MED12L: variants seen among roughly 807,000 people sequenced by gnomAD.
MED12L encodes the protein mediator complex subunit 12L, also known as mediator of RNA polymerase II transcription subunit 12-like protein.
In MED12L, 60 loss-of-function variants were observed where a neutral mutation model predicts 281.3. The ratio of observed to expected loss-of-function variants is 0.21; its 90% CI spans 0.17 to 0.26. The LOEUF is 0.26. Among genes scored for constraint, MED12L ranks in the 10% least tolerant of loss-of-function variants. The pLI is 1.00. For synonymous variants in MED12L, 974 were observed against 987.2 expected, an observed-to-expected ratio of 0.99 and a Z score of 0.25; for missense variants, 2,146 against 2,680.9, an observed-to-expected ratio of 0.80 and a Z score of 4.41.
In MED12L at chr3:151,250,252, CTT is replaced by C. The variant is rs535734743; in HGVS notation, c.2250+56588_2250+56589del. Reference sequence around the variant, plus strand: ...TGACATTTTGAAAGATTTTTTTTGTCTTTGAGGTAGCTTTTTTGGGATTGTGG... The same window carrying C: ...TGACATTTTGAAAGATTTTTTTTGTCTGAGGTAGCTTTTTTGGGATTGTGG... On this transcript the variant is annotated intron_variant, in intron 16 of 44. Transcript: ENST00000687756. 3.1e-3 allele frequency among the ~76,000 whole-genome samples: 469 copies of C among 152,196 alleles called. 4 individuals are homozygous for C. Among genetic ancestry groups the C allele is most frequent in the African/African-American group, 0.011 (455 of 41,514 alleles).
At chr3:151,416,217 A>G (rs1717531608) in intron 42 of MED12L, 95 bp from the exon 43 acceptor site, 1 of 1,603,246 alleles carries the variant, frequency 6.2e-7, no homozygotes, top group Non-Finnish European at 8.5e-7. Flanking sequence ...TTACTACAAC[A>G]TAAAAATTAG....
Position 151,411,280 on chromosome 3 carries a change from C to T in MED12L, c.5913C>T (p.Thr1971=). ...TCTTCCCTTGTGCCTACCTGCAGACCATGCCACAGGGCTATACAATGTATG... is the reference window on the plus strand; with the variant it reads ...TCTTCCCTTGTGCCTACCTGCAGACTATGCCACAGGGCTATACAATGTATG... ...PQYPGLQQAQ[T]MPQGYTMYGT... is the part of the protein sequence containing the mutation. Residue 1971 remains threonine (T), a splice_region_variant and synonymous_variant, in exon 41 of 45, where the codon ACC becomes ACT. Transcript: ENST00000687756. 6.2e-7 allele frequency: 1 copy of T among 1,613,678 alleles called. No individual in the cohort carries two copies.
chr3:151,422,953 G>GTTTTT (rs61502768), intron 43 of MED12L, among the ~76,000 whole-genome samples: 3 of 141,052 alleles, frequency 2.1e-5, no homozygotes, highest in Admixed American at 1.4e-4. Context: ...ACAGAACTAG[G>GTTTTT]TTTTTTTTTT....
intron 16 of MED12L, among the ~76,000 whole-genome samples, chr3:151,281,571 T>TA (rs1388954230): frequency 6.6e-6 from 1 of 152,194 alleles, no homozygotes; most frequent in Non-Finnish European, 1.5e-5. Context: ...AAGAATCTTT[T>TA]AAAAAACAAA....
At chr3:151,255,709 T>TG (rs773105350) in intron 16 of MED12L, among the ~76,000 whole-genome samples, 1 of 152,168 alleles carries the variant, frequency 6.6e-6, no homozygotes, top group Non-Finnish European at 1.5e-5. Flanking sequence ...ACAGCGAACT[T>TG]GTTTACTCCA....
intron 16 of MED12L, among the ~76,000 whole-genome samples, chr3:151,237,702 G>A (rs1733199332): frequency 6.6e-6 from 1 of 152,118 alleles, no homozygotes; most frequent in Non-Finnish European, 1.5e-5. Context: ...TACCAATGAT[G>A]TGTAGTGATC....
intron 1 of MED12L, chr3:151,086,471 C>G (rs1467939073): frequency 2.7e-5 from 4 of 150,738 alleles, no homozygotes; most frequent in Non-Finnish European, 2.9e-5. Flanking sequence ...AGCCTAGGCG[C>G]CAAGAAAAGT....
chr3:151,362,515 C>T (rs532657821), intron 21 of MED12L, among the ~76,000 whole-genome samples: 4 of 152,090 alleles, frequency 2.6e-5, no homozygotes, highest in Admixed American at 6.6e-5. Context: ...ACGACTGTCT[C>T]CCTGAGCACA....
intron 23 of MED12L, among the ~76,000 whole-genome samples, chr3:151,367,211 C>A (rs191871276): frequency 1.8e-4 from 27 of 152,268 alleles, no homozygotes; most frequent in Admixed American, 9.8e-4. Flanking sequence ...GTAGTTACCA[C>A]TGAAAGGAAC....
In MED12L at chr3:151,225,632, C is replaced by A. The variant is rs543818828; in HGVS notation, c.2250+31966C>A. On this transcript the variant is annotated intron_variant, in intron 16 of 44. Coordinates refer to ENST00000687756, the MANE Select transcript of MED12L (RefSeq NM_001393769.1). Reference sequence around the variant, plus strand: ...GTAGCAGCTTTCTGTCAGATCCTATCGGTAGCTGTCTCATCCGTGTTCTGC... The same window carrying A: ...GTAGCAGCTTTCTGTCAGATCCTATAGGTAGCTGTCTCATCCGTGTTCTGC... 2.0e-5 allele frequency among the ~76,000 whole-genome samples: 3 copies of A among 152,304 alleles called. No homozygotes were observed. The East Asian group carries it at 5.8e-4, about 29-fold the overall frequency.
chr3:151,119,993 T>G (rs1576767775), intron 3 of MED12L, among the ~76,000 whole-genome samples: 1 of 148,234 alleles, frequency 6.7e-6, no homozygotes, highest in Admixed American at 6.8e-5. Flanking sequence ...CTGAGGCAGG[T>G]GGATTATCTG....
chr3:151,251,108 T>G (rs1371155487), intron 16 of MED12L, among the ~76,000 whole-genome samples: 1 of 152,186 alleles, frequency 6.6e-6, no homozygotes, highest in Non-Finnish European at 1.5e-5. Flanking sequence ...TGTTGATGTT[T>G]TATGGATTCC....
chr3:151,275,448 G>A (rs1741693581), intron 16 of MED12L, among the ~76,000 whole-genome samples: 1 of 152,018 alleles, frequency 6.6e-6, no homozygotes. Context: ...AGGTTTCAGT[G>A]AAAAATAAAA....
intron 16 of MED12L, among the ~76,000 whole-genome samples, chr3:151,221,814 C>A (rs555146119): frequency 1.3e-5 from 2 of 152,336 alleles, no homozygotes; most frequent in South Asian, 2.1e-4. Context: ...GGAGCCCCCA[C>A]ACAGAGTGCC....
Position 151,394,731 on chromosome 3 carries a change from G to A in MED12L, c.5684G>A (p.Arg1895Gln). ...TKQALSNMLQRRSGAMMQPPS... is the reference protein window; with the variant it reads ...TKQALSNMLQQRSGAMMQPPS... ...CAAGCTCTGTCAAACATGCTACAGC[G>A]GCGCTCAGGCGCCATGATGCAGCCG... The change falls in exon 39 of 45, where the codon CGG becomes CAG. Residue 1895 changes from arginine (R) to glutamine (Q), a missense_variant. By Grantham distance (43) the Arg-to-Gln change is conservative. This residue lies in a region of MED12L where 496 missense variants were observed against 512.0 expected (regional missense o/e 0.97). Coordinates refer to ENST00000687756, the MANE Select transcript of MED12L (RefSeq NM_001393769.1). The A allele has an allele frequency of 8.7e-6, 14 of 1,614,254 alleles. No homozygotes were observed. The highest frequency in any genetic ancestry group is 1.1e-5 in the Non-Finnish European group (13 of 1,180,052).
At chr3:151,234,013 G>A (rs965414780) in intron 16 of MED12L, among the ~76,000 whole-genome samples, 1 of 152,204 alleles carries the variant, frequency 6.6e-6, no homozygotes, top group Non-Finnish European at 1.5e-5. Flanking sequence ...ACTTTGGAAA[G>A]GGAATTGGAA....
intron 23 of MED12L, 46 bp from the exon 24 acceptor site, chr3:151,367,600 T>G: frequency 6.5e-7 from 1 of 1,542,404 alleles, no homozygotes; most frequent in Non-Finnish European, 8.8e-7. Flanking sequence ...TAGATACTGC[T>G]TACAAGGTTG....
chr3:151,335,281 C>T (rs1750830590), intron 16 of MED12L, among the ~76,000 whole-genome samples: 1 of 152,174 alleles, frequency 6.6e-6, no homozygotes, highest in East Asian at 1.9e-4. Flanking sequence ...TCTCCTCCTT[C>T]CCCATGACTC....
At chr3:151,412,270 G>A (rs1021780387) in intron 41 of MED12L, among the ~76,000 whole-genome samples, 1 of 152,186 alleles carries the variant, frequency 6.6e-6, no homozygotes, top group African/African-American at 2.4e-5. Context: ...TTAATGCTCT[G>A]CAGTTTCTCT....
Sources: allele counts gnomAD v4.1 joint callset (sites outside exome capture counted in the v4.1 genomes callset), GRCh38; gene constraint gnomAD v4.1.1; regional missense constraint gnomAD v4.1.1; transcripts MANE v1.5; gene names NCBI Gene and HGNC (gene_info 2026-07-23, HGNC 2026-07-21).